CREB3L2: variants seen among roughly 807,000 people sequenced by gnomAD.
The protein encoded by CREB3L2 is cAMP responsive element binding protein 3 like 2, also known as cyclic AMP-responsive element-binding protein 3-like protein 2.
CREB3L2 carries 23 observed loss-of-function variants against 57.2 expected under a neutral mutation model. The ratio of observed to expected loss-of-function variants is 0.40; its 90% CI spans 0.29 to 0.57. The LOEUF (loss-of-function observed/expected upper bound fraction) is 0.57. CREB3L2 is among the 20% of genes least tolerant of loss of function. The pLI, the probability that CREB3L2 is intolerant of heterozygous loss-of-function variation, is 0.42. For missense variants in CREB3L2, 628 were observed against 634.7 expected, an observed-to-expected ratio of 0.99 and a Z score of 0.11; for synonymous variants, 268 against 265.1, an observed-to-expected ratio of 1.01 and a Z score of -0.11.
rs61623523 is a variant in CREB3L2, at chr7:137,927,787, G to GAAAA, written c.319+359_319+362dup. ...TCTATAGAGGAATAGTTCTTTCTCA[G>GAAAA]AAAAAAAAAAAAAAATGGCATGACC... On this transcript the variant is annotated intron_variant, in intron 2 of 11. Transcript: ENST00000330387. Among the ~76,000 whole-genome samples the GAAAA allele has an allele frequency of 5.7e-5, 8 of 141,524 alleles. 1 individual carries two copies. Among genetic ancestry groups the GAAAA allele is most frequent in the Non-Finnish European group, 1.1e-4 (7 of 65,160 alleles). The allele number at this position is 141,524 out of a possible 152,430, so 92.8% of individuals were successfully genotyped here.
intron 7 of CREB3L2, 51 bp from the exon 8 acceptor site, chr7:137,901,473 A>T (rs1325003179): frequency 8.5e-7 from 1 of 1,175,392 alleles, no homozygotes. Flanking sequence ...GCAAACACTA[A>T]GCTAGGAGCT....
chr7:137,962,723 T>C (rs1801347329), intron 1 of CREB3L2, among the ~76,000 whole-genome samples: 1 of 151,828 alleles, frequency 6.6e-6, no homozygotes, highest in Non-Finnish European at 1.5e-5. Flanking sequence ...TACATGTATG[T>C]TTGCTTCCGA....
intron 8 of CREB3L2, 42 bp from the exon 9 acceptor site, chr7:137,885,544 A>G: frequency 6.7e-7 from 1 of 1,494,988 alleles, no homozygotes; most frequent in African/African-American, 1.4e-5. Flanking sequence ...TCTGACAGAG[A>G]AGAGATGCTT....
intron 2 of CREB3L2, among the ~76,000 whole-genome samples, chr7:137,922,415 T>TAA: frequency 4.3e-5 from 1 of 23,160 alleles, no homozygotes; most frequent in African/African-American, 1.4e-4. Context: ...TATATATATA[T>TAA]GTATATATAT....
chr7:137,964,124 T>C (rs2117290279), intron 1 of CREB3L2, among the ~76,000 whole-genome samples: 1 of 152,282 alleles, frequency 6.6e-6, no homozygotes, highest in South Asian at 2.1e-4. Context: ...TAGACCAGCC[T>C]GGCCAACATG....
At chr7:137,935,730 A>T (rs1314608176) in intron 1 of CREB3L2, 4 of 152,284 alleles carry the variant, frequency 2.6e-5, no homozygotes, top group Non-Finnish European at 5.9e-5. Context: ...ATAGAAGATA[A>T]ATCCAAATTA....
chr7:137,959,808 G>C (rs141629945), intron 1 of CREB3L2, among the ~76,000 whole-genome samples: 2 of 152,234 alleles, frequency 1.3e-5, no homozygotes, highest in African/African-American at 2.4e-5. Context: ...GGCGAGGAAA[G>C]TACGTGCAAT....
rs555967270 is a variant in CREB3L2 at position 137,960,732 on chromosome 7, GTGTTT to G, written c.103-32371_103-32367del. 4.5e-3 allele frequency among the ~76,000 whole-genome samples: 677 copies of G among 149,336 alleles called. 3 individuals carry two copies. The highest frequency in any genetic ancestry group is 0.015 in the African/African-American group (603 of 40,404). ...CATAGTACAACTACTACAGAAGCAC[GTGTTT>G]TATTTCATTTAAATTAACAAATAAA... On this transcript the variant is annotated intron_variant, in intron 1 of 11. Transcript: ENST00000330387.
intron 2 of CREB3L2, among the ~76,000 whole-genome samples, chr7:137,919,659 C>T (rs73729520): frequency 6.6e-5 from 10 of 152,048 alleles, no homozygotes; most frequent in Admixed American, 3.9e-4. Flanking sequence ...CTGAAAATAA[C>T]CAAAACATTA....
intron 1 of CREB3L2, chr7:137,957,660 A>G (rs930347038): frequency 2.6e-5 from 17 of 653,368 alleles, no homozygotes; most frequent in Non-Finnish European, 3.7e-5. Flanking sequence ...TCATTTTTAG[A>G]AAGTGAAGAA....
chr7:137,984,120 C>T (rs1420623077), intron 1 of CREB3L2, among the ~76,000 whole-genome samples: 3 of 152,210 alleles, frequency 2.0e-5, no homozygotes, highest in Admixed American at 6.5e-5. Context: ...TCATTCTCAG[C>T]CATCTCACAG....
At chr7:137,993,512 T>G (rs1445831187) in intron 1 of CREB3L2, among the ~76,000 whole-genome samples, 2 of 152,232 alleles carry the variant, frequency 1.3e-5, no homozygotes, top group Non-Finnish European at 2.9e-5. Context: ...TTTATTTGTT[T>G]GTTTGCTCAT....
intron 8 of CREB3L2, among the ~76,000 whole-genome samples, chr7:137,886,736 AG>A (rs1585591473): frequency 6.6e-6 from 1 of 151,626 alleles, no homozygotes; most frequent in East Asian, 1.9e-4. Context: ...AAAAAAAAAA[AG>A]GAGACGTTTT....
intron 1 of CREB3L2, among the ~76,000 whole-genome samples, chr7:137,978,219 ATATACTCTC>A (rs1361052358): frequency 6.6e-6 from 1 of 152,208 alleles, no homozygotes. Flanking sequence ...CTTTACAGAG[ATATACTCTC>A]TATACAGAGA....
At chr7:137,978,075 T>A (rs779132213) in intron 1 of CREB3L2, among the ~76,000 whole-genome samples, 1 of 152,108 alleles carries the variant, frequency 6.6e-6, no homozygotes, top group Non-Finnish European at 1.5e-5. Context: ...AGTCATCATA[T>A]CAGCTTTGTG....
rs1862913 is a variant in CREB3L2, at chr7:137,959,740, A to G, written c.103-31374T>C. Among the ~76,000 whole-genome samples, 434 of 152,356 alleles carry G rather than the reference A, an allele frequency of 2.8e-3. 5 individuals carry two copies. The highest frequency in any genetic ancestry group is 9.9e-3 in the African/African-American group (411 of 41,580). ...CCAGGGTAAAAGAAAGCATGATGAGAATCAAAGTATAATAACCGAATTAAA... is the reference window on the plus strand; with the variant it reads ...CCAGGGTAAAAGAAAGCATGATGAGGATCAAAGTATAATAACCGAATTAAA... On this transcript the variant is annotated intron_variant, in intron 1 of 11. Coordinates refer to ENST00000330387, the MANE Select transcript of CREB3L2 (RefSeq NM_194071.4).
At chr7:137,977,388 G>A (rs950427987) in intron 1 of CREB3L2, among the ~76,000 whole-genome samples, 5 of 152,166 alleles carry the variant, frequency 3.3e-5, no homozygotes, top group Admixed American at 1.3e-4. Flanking sequence ...ACAACACAAC[G>A]ATTATAAAAT....
intron 8 of CREB3L2, among the ~76,000 whole-genome samples, chr7:137,899,041 A>AAAAAAAGAAAG (rs1554494813): frequency 2.4e-5 from 2 of 81,924 alleles, no homozygotes; most frequent in Admixed American, 1.6e-4. Context: ...AGAAAGGAAG[A>AAAAAAAGAAAG]AAAAAGAAAG....
chr7:137,925,509 G>A (rs1254835208), intron 2 of CREB3L2, among the ~76,000 whole-genome samples: 1 of 152,168 alleles, frequency 6.6e-6, no homozygotes, highest in Admixed American at 6.5e-5. Flanking sequence ...ACATATTTAT[G>A]TGTTGCCTAA....
Sources: allele counts gnomAD v4.1 joint callset (sites outside exome capture counted in the v4.1 genomes callset), GRCh38; gene constraint gnomAD v4.1.1; transcripts MANE v1.5; gene names NCBI Gene and HGNC (gene_info 2026-07-23, HGNC 2026-07-21).